Variants in MGAT4A observed in about 807,000 individuals in gnomAD.
MGAT4A encodes N-acetylglucosaminyltransferase IVa.
Under a neutral mutation model 74.1 loss-of-function variants are expected in MGAT4A, and 33 were observed. The ratio of observed to expected loss-of-function variants is 0.45; its 90% CI spans 0.34 to 0.60. The LOEUF is 0.60. Ranked by LOEUF, MGAT4A falls within the 20% of genes least tolerant of loss-of-function variation. The pLI, the probability that MGAT4A is intolerant of heterozygous loss-of-function variation, is 0.02. For synonymous variants in MGAT4A, 198 were observed against 210.4 expected (o/e 0.94, Z 0.51); for missense variants, 479 against 628.3 (o/e 0.76, Z 2.54).
rs140512189 is a variant in MGAT4A at position 98,636,825 on chromosome 2, A to C, written c.1323-230T>G. 2.7e-3 allele frequency among the ~76,000 whole-genome samples: 405 copies of C among 152,344 alleles called. 1 individual carries two copies. Among genetic ancestry groups the C allele is most frequent in the African/African-American group, 9.2e-3 (381 of 41,574 alleles). ...GATAAGTTCATTCCTTCTGTCAGAA[A>C]CAATTATGTTTGCTGCTTAACATAA... On this transcript the variant is annotated intron_variant, in intron 12 of 15. Transcript: ENST00000393487.
intron 4 of MGAT4A, among the ~76,000 whole-genome samples, chr2:98,669,688 T>C (rs1012645518): frequency 3.3e-5 from 5 of 152,210 alleles, no homozygotes; most frequent in African/African-American, 9.6e-5. Context: ...ACCATGCTTA[T>C]GGTAATTTGC....
chr2:98,661,456 A>G (rs1375146224), intron 5 of MGAT4A, among the ~76,000 whole-genome samples: 1 of 152,190 alleles, frequency 6.6e-6, no homozygotes, highest in Admixed American at 6.5e-5. Context: ...ATATGTACAC[A>G]TATGTATGTG....
chr2:98,689,340 T>C (rs1208749991), intron 2 of MGAT4A, among the ~76,000 whole-genome samples: 1 of 152,186 alleles, frequency 6.6e-6, no homozygotes, highest in Non-Finnish European at 1.5e-5. Context: ...AAGCAGGTAG[T>C]ATCACTATAG....
intron 1 of MGAT4A, 122 bp from the exon 2 acceptor site, chr2:98,726,689 C>T (rs1702769136): frequency 4.2e-6 from 1 of 238,218 alleles, no homozygotes; most frequent in African/African-American, 2.2e-5. Context: ...TAAAGATTAT[C>T]CCTACATCGA....
At chr2:98,625,977 T>C (rs1029008949) in intron 14 of MGAT4A, 142 bp from the exon 15 acceptor site, 1 of 484,280 alleles carries the variant, frequency 2.1e-6, no homozygotes, top group South Asian at 5.7e-5. Context: ...CTTTCCCCCT[T>C]CTTTCTACTT....
chr2:98,663,028 C>G lies in MGAT4A; in HGVS notation c.537+18G>C, dbSNP rs772959477. On this transcript the variant is annotated intron_variant, in intron 5 of 15. Coordinates refer to ENST00000393487, the MANE Select transcript of MGAT4A (RefSeq NM_012214.3). ...TAGGCTATATTTGGTAAAAACATAA[C>G]AACAATTAAATAATTACCTCTCCTA... is the stretch of plus-strand genomic sequence containing the variant. The G allele has an allele frequency of 6.9e-7, 1 of 1,457,586 alleles. No homozygotes were observed. The highest frequency in any genetic ancestry group is 9.2e-7 in the Non-Finnish European group (1 of 1,089,152). The allele number at this position is 1,457,586 out of a possible 1,614,324, so 90.3% of individuals were successfully genotyped here.
In MGAT4A at chr2:98,619,849, AATATT is replaced by A. The variant is rs1701020033; in HGVS notation, c.*5712_*5716del. ...CCTCCCTAAAGTCCAAGAGTATTAAAATATTCCCCACAACAAACAATCTTCATTTC... is the reference window on the plus strand; with the variant it reads ...CCTCCCTAAAGTCCAAGAGTATTAAACCCCACAACAAACAATCTTCATTTC... On this transcript the variant is annotated 3_prime_UTR_variant, in exon 16 of 16. Transcript: ENST00000393487. 6.6e-6 allele frequency: 1 copy of A among 152,250 alleles called. No homozygotes were observed. The highest frequency in any genetic ancestry group is 6.5e-5 in the Admixed American group (1 of 15,286). The allele number at this position is 152,250 out of a possible 1,614,324, so 9.4% of individuals were successfully genotyped here. A position where few individuals can be genotyped will look rare whatever the true frequency, so the allele number is the denominator to read the frequency against.
At position 98,658,144 on chromosome 2, in the gene MGAT4A, TTTTC is replaced by T; in HGVS notation, c.584+70_584+73del. The T allele has an allele frequency of 3.2e-6, 3 of 945,236 alleles. No individual in the cohort carries two copies. The Admixed American group carries it at 6.6e-5, about 21-fold the overall frequency. 58.6% of individuals were successfully genotyped at this position (945,236 alleles called of 1,614,324 possible). A position where few individuals can be genotyped will look rare whatever the true frequency, so the allele number is the denominator to read the frequency against. On this transcript the variant is annotated intron_variant, in intron 6 of 15. Transcript: ENST00000393487. ...GAGAAATGAACTATCAAGGAAGGCATTTTCTTTTAGCAAGAAACCCAAGAGATAA... is the reference window on the plus strand; with the variant it reads ...GAGAAATGAACTATCAAGGAAGGCATTTTTAGCAAGAAACCCAAGAGATAA...
chr2:98,666,754 C>T (rs1374579119), intron 4 of MGAT4A, among the ~76,000 whole-genome samples: 1 of 152,016 alleles, frequency 6.6e-6, no homozygotes, highest in Admixed American at 6.5e-5. Context: ...AAAATGCTAA[C>T]TCATGGAGTA....
chr2:98,692,105 C>T (rs1196595952), intron 2 of MGAT4A, among the ~76,000 whole-genome samples: 2 of 151,956 alleles, frequency 1.3e-5, no homozygotes, highest in Non-Finnish European at 2.9e-5. Context: ...TAATTATTAA[C>T]ATTTTTTGAG....
At chr2:98,688,261 A>G (rs998534625) in intron 2 of MGAT4A, among the ~76,000 whole-genome samples, 1 of 152,198 alleles carries the variant, frequency 6.6e-6, no homozygotes, top group South Asian at 2.1e-4. Context: ...AAAAAAAAGA[A>G]TATAACTCAT....
In MGAT4A at chr2:98,678,392, G is replaced by T; in HGVS notation, c.174C>A (p.Arg58=). Residue 58 remains arginine, a synonymous_variant, in exon 3 of 16, where the codon CGC becomes CGA. Coordinates refer to ENST00000393487, the MANE Select transcript of MGAT4A (RefSeq NM_012214.3). ...LRIAEHRISQ[R]SSELNTIVQQ... is the part of the protein sequence containing the mutation. ...GCACAATCGTATTTAATTCAGAAGAGCGCTGTGAGATTCTGTGTTCAGCTA... is the reference window on the plus strand; with the variant it reads ...GCACAATCGTATTTAATTCAGAAGATCGCTGTGAGATTCTGTGTTCAGCTA... 1 of 1,595,738 alleles carries T rather than the reference G, an allele frequency of 6.3e-7. No individual in the cohort carries two copies.
intron 2 of MGAT4A, among the ~76,000 whole-genome samples, chr2:98,718,744 C>T (rs1702623346): frequency 6.6e-6 from 1 of 152,172 alleles, no homozygotes; most frequent in Non-Finnish European, 1.5e-5. Context: ...TTACTCTACC[C>T]AACCCCTGCT....
chr2:98,660,066 G>T (rs1236124666), intron 5 of MGAT4A, among the ~76,000 whole-genome samples: 1 of 152,114 alleles, frequency 6.6e-6, no homozygotes, highest in Non-Finnish European at 1.5e-5. Context: ...TACAAACATC[G>T]GTAGCATTTC....
In MGAT4A at chr2:98,619,140, G is replaced by A. The variant is rs1296509943; in HGVS notation, c.*6426C>T. ...ACCTATTTTTATTAGAAGGAATCTT[G>A]AATTCAACATGGCTTTTTAAACTTC... On this transcript the variant is annotated 3_prime_UTR_variant, in exon 16 of 16. Coordinates refer to ENST00000393487, the MANE Select transcript of MGAT4A (RefSeq NM_012214.3). 1 of 152,520 alleles carries A rather than the reference G, an allele frequency of 6.6e-6. No homozygotes were observed. The highest frequency in any genetic ancestry group is 1.5e-5 in the Non-Finnish European group (1 of 68,014). 9.4% of individuals were successfully genotyped at this position (152,520 alleles called of 1,614,324 possible). A position where few individuals can be genotyped will look rare whatever the true frequency, so the allele number is the denominator to read the frequency against.
intron 2 of MGAT4A, among the ~76,000 whole-genome samples, chr2:98,690,324 G>T (rs1702178417): frequency 1.3e-5 from 2 of 152,320 alleles, no homozygotes; most frequent in African/African-American, 4.8e-5. Flanking sequence ...GGAGGCCACA[G>T]GAGAAGCAGT....
At chr2:98,642,644 G>A (rs559405066) in intron 10 of MGAT4A, among the ~76,000 whole-genome samples, 5 of 152,244 alleles carry the variant, frequency 3.3e-5, no homozygotes, top group African/African-American at 7.2e-5. Context: ...TATTGTAGGA[G>A]GTTAAAGATG....
In MGAT4A at chr2:98,680,040, CT is replaced by C. The variant is rs778595164; in HGVS notation, c.95-1570del. On this transcript the variant is annotated intron_variant, in intron 2 of 15. Coordinates refer to ENST00000393487, the MANE Select transcript of MGAT4A (RefSeq NM_012214.3). ...GACACCTAAACAAACCTTAGAAAGG[CT>C]TTTTTTTTTTTTTTTCTGAGACAGA... 3.1e-3 allele frequency among the ~76,000 whole-genome samples: 411 copies of C among 130,960 alleles called. 4 individuals carry two copies. In the East Asian group the frequency reaches 0.037, roughly 12 times the overall value. The allele number at this position is 130,960 out of a possible 152,430, so 85.9% of individuals were successfully genotyped here.
intron 8 of MGAT4A, among the ~76,000 whole-genome samples, chr2:98,654,263 TC>T (rs1222598216): frequency 1.3e-5 from 2 of 151,452 alleles, no homozygotes; most frequent in African/African-American, 4.9e-5. Context: ...GGGCAAGGAG[TC>T]CCACTTTCAC....
Sources: gnomAD v4.1 joint callset for allele counts (sites outside exome capture counted in the v4.1 genomes callset) on GRCh38, gnomAD v4.1.1 for gene constraint, MANE v1.5 for transcripts, NCBI Gene and HGNC (gene_info 2026-07-23, HGNC 2026-07-21) for gene names.